NUP153: variants seen among roughly 807,000 people sequenced by gnomAD.
The protein encoded by NUP153 is nucleoporin 153, also known as nuclear pore complex protein Nup153.
In NUP153, 27 loss-of-function variants were observed where a neutral mutation model predicts 134.6. The observed-to-expected ratio is 0.20, with a 90% confidence interval of 0.15 to 0.28. The LOEUF (loss-of-function observed/expected upper bound fraction) is 0.28. NUP153 is among the 10% of genes least tolerant of loss of function. The probability of loss-of-function intolerance (pLI) is 1.00; values close to 1 mark genes in which losing one functional copy is unlikely to be tolerated. For synonymous variants in NUP153, 640 were observed against 623.5 expected (o/e 1.03, Z -0.40); for missense variants, 1,821 against 1,731.3 (o/e 1.05, Z -0.92).
chr6:17,693,374 AAG>A (rs1769405469), intron 1 of NUP153, among the ~76,000 whole-genome samples: 1 of 151,998 alleles, frequency 6.6e-6, no homozygotes, highest in East Asian at 1.9e-4. Flanking sequence ...AATGGGAGTA[AAG>A]AGAGGTCTTT....
At chr6:17,701,837 G>GGC (rs1554148701) in intron 1 of NUP153, among the ~76,000 whole-genome samples, 1 of 106,644 alleles carries the variant, frequency 9.4e-6, no homozygotes, top group Non-Finnish European at 2.0e-5. Flanking sequence ...TGTCTCGGGG[G>GGC]GGGGGGGAAA....
chr6:17,622,474 A>T (rs1044237755), intron 20 of NUP153, among the ~76,000 whole-genome samples: 18 of 152,176 alleles, frequency 1.2e-4, no homozygotes, highest in Non-Finnish European at 2.1e-4. Flanking sequence ...CAAAAAATTT[A>T]AAAAAGGATT....
intron 12 of NUP153, among the ~76,000 whole-genome samples, chr6:17,648,897 T>C (rs1028860326): frequency 5.3e-5 from 8 of 152,072 alleles, no homozygotes; most frequent in Admixed American, 1.3e-4. Context: ...CCAAAAAGCA[T>C]CTTACTGGAA....
At chr6:17,677,114 C>G (rs1430749982) in intron 2 of NUP153, among the ~76,000 whole-genome samples, 1 of 152,094 alleles carries the variant, frequency 6.6e-6, no homozygotes, top group Admixed American at 6.6e-5. Flanking sequence ...AAAATAAGAC[C>G]TACTACAGAT....
chr6:17,629,514 C>T lies in NUP153; in HGVS notation c.2685G>A (p.Ser895=), dbSNP rs749852957. Residue 895 remains serine, a synonymous_variant, in exon 18 of 22, where the codon TCG becomes TCA. Transcript: ENST00000262077. ...TGAAGGATGAGGAGGCTGCTGAGTT[C>T]GAAGATGAGGAAGATGTGTCAAAGC... ...FKGFDTSSSS[S]NSAASSSFKF... The T allele has an allele frequency of 6.6e-5, 105 of 1,599,436 alleles. 3 individuals are homozygous for T. Among genetic ancestry groups the T allele is most frequent in the Middle Eastern group, 3.4e-4 (2 of 5,960 alleles).
At chr6:17,639,890 T>C (rs757605154) in intron 15 of NUP153, 49 bp downstream of exon 15, 1 of 1,533,030 alleles carries the variant, frequency 6.5e-7, no homozygotes, top group Non-Finnish European at 8.8e-7. Flanking sequence ...TGACATTAAA[T>C]TGAGATCATG....
chr6:17,679,448 C>G lies in NUP153; in HGVS notation c.335-3678G>C, dbSNP rs1227735092. Among the ~76,000 whole-genome samples the G allele has an allele frequency of 2.0e-5, 3 of 152,184 alleles. No homozygotes were observed. The East Asian group carries it at 5.8e-4, about 29-fold the overall frequency. ...GTTGGGATGTCAATACTATTCTAAG[C>G]AATCTACAGATTCAATATAACCTCT... On this transcript the variant is annotated intron_variant, in intron 2 of 21. Transcript: ENST00000262077.
intron 2 of NUP153, among the ~76,000 whole-genome samples, chr6:17,682,930 A>AAG (rs1488950556): frequency 1.3e-5 from 2 of 151,446 alleles, no homozygotes; most frequent in Non-Finnish European, 2.9e-5. Context: ...AAGAAGAAAA[A>AAG]AAAAAAAAAA....
intron 13 of NUP153, among the ~76,000 whole-genome samples, 167 bp from the exon 14 acceptor site, chr6:17,646,321 C>A (rs554136962): frequency 6.6e-6 from 1 of 151,932 alleles, no homozygotes; most frequent in East Asian, 2.0e-4. Context: ...CATTCTCCTG[C>A]CTCGGCCTCC....
chr6:17,628,825 T>C lies in NUP153; in HGVS notation c.3374A>G (p.Glu1125Gly). 6.2e-7 allele frequency: 1 copy of C among 1,614,216 alleles called. No homozygotes were observed. Among genetic ancestry groups the C allele is most frequent in the Non-Finnish European group, 8.5e-7 (1 of 1,180,032 alleles). The change falls in exon 18 of 22, where the codon GAA becomes GGA. Residue 1125 changes from glutamate to glycine, a missense_variant. By Grantham distance (98) the Glu-to-Gly change is moderately conservative. Transcript: ENST00000262077. The surrounding 1 kb of genome is among the most constrained non-coding windows in gnomAD (Gnocchi z 5.4). ...AAACACTGGTTGACACTTTGGCTCT[T>C]CATTGTCAGCTTTCTTCCCAAAAAC... The part of the protein sequence containing the change: ...SLVFGKKADN[E>G]EPKCQPVFSF...
intron 16 of NUP153, among the ~76,000 whole-genome samples, chr6:17,635,102 ATC>A (rs1245948458): frequency 2.1e-4 from 25 of 117,552 alleles, no homozygotes; most frequent in East Asian, 1.3e-3. Context: ...AGCTTGGCTT[ATC>A]TTTTTTTTTT....
chr6:17,616,492 T>C (rs1474407053), intron 21 of NUP153, 35 bp downstream of exon 21: 2 of 1,569,724 alleles, frequency 1.3e-6, no homozygotes, highest in Non-Finnish European at 1.7e-6. Context: ...CCCTTACCAA[T>C]GTAACTTCTC....
intron 8 of NUP153, among the ~76,000 whole-genome samples, chr6:17,667,587 G>A (rs1380311519): frequency 2.0e-5 from 3 of 152,092 alleles, no homozygotes; most frequent in East Asian, 3.9e-4. Flanking sequence ...GGTGATAGGC[G>A]CCTGTAGTCC....
In NUP153 at chr6:17,706,887, A is replaced by C. The variant is rs778268934; in HGVS notation, c.-500T>G. 1 of 161,032 alleles carries C rather than the reference A, an allele frequency of 6.2e-6. No homozygotes were observed. Among genetic ancestry groups the C allele is most frequent in the Non-Finnish European group, 1.4e-5 (1 of 73,206 alleles). 10.0% of individuals were successfully genotyped at this position (161,032 alleles called of 1,614,324 possible). A position where few individuals can be genotyped will look rare whatever the true frequency, so the allele number is the denominator to read the frequency against. On this transcript the variant is annotated 5_prime_UTR_variant, in exon 1 of 22. Coordinates refer to ENST00000262077, the MANE Select transcript of NUP153 (RefSeq NM_005124.4). The surrounding 1 kb of genome is among the most constrained non-coding windows in gnomAD (Gnocchi z 5.9). Reference sequence around the variant, plus strand: ...AGCCTCCGCCGCCGTTGCGCCTATTACCCCTGCTAAGGCGGCTGCCGCGGT... The same window carrying C: ...AGCCTCCGCCGCCGTTGCGCCTATTCCCCCTGCTAAGGCGGCTGCCGCGGT...
At chr6:17,704,461 G>C (rs879701649) in intron 1 of NUP153, among the ~76,000 whole-genome samples, 1 of 152,154 alleles carries the variant, frequency 6.6e-6, no homozygotes, top group Non-Finnish European at 1.5e-5. Flanking sequence ...AAGAAAGCAT[G>C]CATGTGTAAC....
At position 17,688,823 on chromosome 6, in the gene NUP153, A is replaced by C. The variant is rs183431013; in HGVS notation, c.112-205T>G. Among the ~76,000 whole-genome samples, 299 of 152,308 alleles carry C rather than the reference A, an allele frequency of 2.0e-3. 2 individuals are homozygous for C. Among genetic ancestry groups the C allele is most frequent in the African/African-American group, 6.5e-3 (271 of 41,560 alleles). ...TTTCTTTCTTCTATATGCATACATA[A>C]GGCAATAATTGTCCCAAATGGCTGC... On this transcript the variant is annotated intron_variant, in intron 1 of 21. Coordinates refer to ENST00000262077, the MANE Select transcript of NUP153 (RefSeq NM_005124.4).
At chr6:17,674,759 C>A in intron 5 of NUP153, 146 bp downstream of exon 5, 1 of 641,504 alleles carries the variant, frequency 1.6e-6, no homozygotes, top group South Asian at 3.1e-5. Flanking sequence ...GCGACAGAGC[C>A]AAGACTCCAT....
At chr6:17,705,407 C>T (rs1253344159) in intron 1 of NUP153, among the ~76,000 whole-genome samples, 1 of 152,112 alleles carries the variant, frequency 6.6e-6, no homozygotes, top group Non-Finnish European at 1.5e-5. Flanking sequence ...TCCAGGAGTT[C>T]ATACAGTGGC....
intron 8 of NUP153, among the ~76,000 whole-genome samples, chr6:17,666,421 A>C (rs1008982604): frequency 6.6e-6 from 1 of 152,158 alleles, no homozygotes; most frequent in South Asian, 2.1e-4. Flanking sequence ...AGGCTGAGGC[A>C]GGAGAATCGT....
Sources: gnomAD v4.1 joint callset for allele counts (sites outside exome capture counted in the v4.1 genomes callset) on GRCh38, gnomAD v4.1.1 for gene constraint, Gnocchi (gnomAD v3.1) non-coding constraint, MANE v1.5 for transcripts, NCBI Gene and HGNC (gene_info 2026-07-23, HGNC 2026-07-21) for gene names.